Variants in SNX10 observed in about 807,000 individuals in gnomAD.
SNX10 encodes the protein sorting nexin-10.
Under a neutral mutation model 28.5 loss-of-function variants are expected in SNX10, and 25 were observed. The observed-to-expected ratio is 0.88, with a 90% confidence interval of 0.64 to 1.22. The LOEUF (loss-of-function observed/expected upper bound fraction) is 1.22. SNX10 is among the 50% of genes most tolerant of loss of function. SNX10 has a pLI of 0.00. For synonymous variants in SNX10, 62 were observed against 81.4 expected, an observed-to-expected ratio of 0.76 and a Z score of 1.28; for missense variants, 223 against 242.6, an observed-to-expected ratio of 0.92 and a Z score of 0.54.
chr7:26,336,737 G>C (rs1248216984), intron 1 of SNX10, among the ~76,000 whole-genome samples: 1 of 152,164 alleles, frequency 6.6e-6, no homozygotes, highest in Non-Finnish European at 1.5e-5. Flanking sequence ...AATACTGTTT[G>C]AACAGCCCCG....
At chr7:26,361,862 G>A (rs1014126106) in intron 3 of SNX10, among the ~76,000 whole-genome samples, 5 of 152,184 alleles carry the variant, frequency 3.3e-5, no homozygotes, top group Non-Finnish European at 5.9e-5. Flanking sequence ...TATTGGCCCC[G>A]ATTTTGAGGA....
At chr7:26,360,662 ATTAT>A (rs1279345325) in intron 2 of SNX10, 3 of 294,956 alleles carry the variant, frequency 1.0e-5, no homozygotes, top group Non-Finnish European at 1.2e-5. Flanking sequence ...ACCTGAACCA[ATTAT>A]TTAAGATTAA....
intron 6 of SNX10, 32 bp downstream of exon 6, chr7:26,372,065 G>A (rs1175060446): frequency 1.4e-6 from 2 of 1,393,580 alleles, no homozygotes; most frequent in Admixed American, 1.7e-5. Flanking sequence ...TAATGTATAT[G>A]TATTTATATA....
intron 1 of SNX10, among the ~76,000 whole-genome samples, chr7:26,323,456 G>A (rs1048655817): frequency 6.6e-5 from 10 of 152,212 alleles, no homozygotes; most frequent in East Asian, 5.8e-4. Flanking sequence ...CACTTGGTGC[G>A]TGGGACAGCT....
chr7:26,308,452 A>G (rs769289910), intron 1 of SNX10, among the ~76,000 whole-genome samples: 3 of 152,148 alleles, frequency 2.0e-5, no homozygotes, highest in Non-Finnish European at 4.4e-5. Flanking sequence ...TTTTTGTCCA[A>G]TCATATTTCT....
chr7:26,348,278 C>G (rs1418625598), intron 2 of SNX10, among the ~76,000 whole-genome samples: 3 of 152,114 alleles, frequency 2.0e-5, no homozygotes, highest in African/African-American at 7.2e-5. Flanking sequence ...GCTGCTTGTT[C>G]CGGGAAATAC....
chr7:26,335,868 C>T (rs1222040453), intron 1 of SNX10, among the ~76,000 whole-genome samples: 1 of 150,464 alleles, frequency 6.6e-6, no homozygotes, highest in East Asian at 2.0e-4. Flanking sequence ...CTCAGCCTCC[C>T]GAGTAGCTGG....
At chr7:26,321,218 G>C (rs1303627176) in intron 1 of SNX10, among the ~76,000 whole-genome samples, 1 of 152,214 alleles carries the variant, frequency 6.6e-6, no homozygotes, top group African/African-American at 2.4e-5. Context: ...TCACAGCCCG[G>C]TGTGTAGGCA....
intron 1 of SNX10, among the ~76,000 whole-genome samples, chr7:26,314,565 T>C (rs1786992868): frequency 6.6e-6 from 1 of 152,242 alleles, no homozygotes. Context: ...GTTGTTATAT[T>C]GACTTGTGAA....
At chr7:26,363,621 C>A (rs185623658) in intron 3 of SNX10, among the ~76,000 whole-genome samples, 2 of 152,098 alleles carry the variant, frequency 1.3e-5, no homozygotes, top group Non-Finnish European at 2.9e-5. Flanking sequence ...TATTTACTCT[C>A]GTCTTATGTT....
rs1241294871 is a variant in SNX10, at chr7:26,364,418, T to C, written c.112-117T>C. The C allele has an allele frequency of 1.4e-5, 19 of 1,404,012 alleles. No homozygotes were observed. In the East Asian group the frequency reaches 3.1e-4, roughly 23 times the overall value. The allele number at this position is 1,404,012 out of a possible 1,614,324, so 87.0% of individuals were successfully genotyped here. ...GAGTACTGGCATAAATATAAATATA[T>C]GTTTGGTGGTTTAAATCCTATTTAG... On this transcript the variant is annotated intron_variant, in intron 3 of 6. Transcript: ENST00000338523. This position sits in a 1 kb window ranked among gnomAD's most constrained non-coding sequence, Gnocchi z 4.9.
chr7:26,361,317 G>A (rs771542785), intron 3 of SNX10, among the ~76,000 whole-genome samples: 5 of 152,086 alleles, frequency 3.3e-5, no homozygotes, highest in Admixed American at 1.3e-4. Context: ...AGATGTGCAC[G>A]CATCTAAAAT....
intron 1 of SNX10, among the ~76,000 whole-genome samples, chr7:26,325,882 C>T (rs559715814): frequency 8.6e-5 from 13 of 151,944 alleles, no homozygotes; most frequent in African/African-American, 3.1e-4. Context: ...TGTTCACCAC[C>T]ACACCTGGCT....
chr7:26,338,589 G>T (rs1788038366), intron 1 of SNX10, among the ~76,000 whole-genome samples: 1 of 152,140 alleles, frequency 6.6e-6, no homozygotes, highest in African/African-American at 2.4e-5. Context: ...TTTTAGTAGA[G>T]ACGGGGTTTC....
At position 26,365,159 on chromosome 7, in the gene SNX10, A is replaced by T; in HGVS notation, c.311+14A>T. Reference sequence around the variant, plus strand: ...TTTCCTCAGAAAGTGAGTGTCCAGAAACTTTTGTGGCCAGACAAGGGGTGT... The same window carrying T: ...TTTCCTCAGAAAGTGAGTGTCCAGATACTTTTGTGGCCAGACAAGGGGTGT... On this transcript the variant is annotated intron_variant, in intron 5 of 6. Transcript: ENST00000338523. 6.5e-7 allele frequency: 1 copy of T among 1,528,792 alleles called. No homozygotes were observed. 94.7% of individuals were successfully genotyped at this position (1,528,792 alleles called of 1,614,324 possible).
chr7:26,305,756 C>T (rs1786564932), intron 1 of SNX10, among the ~76,000 whole-genome samples: 2 of 152,184 alleles, frequency 1.3e-5, no homozygotes, highest in South Asian at 2.1e-4. Flanking sequence ...AAAACGGTGG[C>T]GTCTATTTTG....
intron 1 of SNX10, among the ~76,000 whole-genome samples, chr7:26,316,299 A>G (rs1238932668): frequency 6.6e-6 from 1 of 152,168 alleles, no homozygotes; most frequent in African/African-American, 2.4e-5. Flanking sequence ...TTAGAATCAC[A>G]TGATTTCAGA....
intron 1 of SNX10, among the ~76,000 whole-genome samples, chr7:26,328,502 T>TGATATGGGA (rs929475302): frequency 3.9e-4 from 60 of 152,054 alleles, no homozygotes; most frequent in African/African-American, 1.3e-3. Context: ...CCTTTGTACA[T>TGATATGGGA]GATATGGGAG....
chr7:26,354,037 C>T (rs1788718447), intron 2 of SNX10: 1 of 152,152 alleles, frequency 6.6e-6, no homozygotes, highest in Non-Finnish European at 1.5e-5. Flanking sequence ...TTTCTGTAAT[C>T]TAAGTAAATA....
Sources: allele counts gnomAD v4.1 joint callset (sites outside exome capture counted in the v4.1 genomes callset), GRCh38; gene constraint gnomAD v4.1.1; non-coding constraint Gnocchi (gnomAD v3.1); transcripts MANE v1.5; gene names NCBI Gene and HGNC (gene_info 2026-07-23, HGNC 2026-07-21).